Variants in KIF6 observed in about 807,000 individuals in gnomAD.
KIF6 encodes the protein kinesin-like protein KIF6.
Under a neutral mutation model 112.7 loss-of-function variants are expected in KIF6, and 106 were observed. That is an observed-to-expected ratio of 0.94 (90% confidence interval 0.80 to 1.11). KIF6 has a LOEUF of 1.11. Among genes scored for constraint, KIF6 ranks in the 50% least tolerant of loss-of-function variants. KIF6 has a pLI of 0.00. For missense variants in KIF6, 929 were observed against 964.0 expected, an observed-to-expected ratio of 0.96 and a Z score of 0.48; for synonymous variants, 339 against 339.9, an observed-to-expected ratio of 1.00 and a Z score of 0.03.
intron 13 of KIF6, among the ~76,000 whole-genome samples, chr6:39,448,797 G>T (rs1772500468): frequency 6.6e-6 from 1 of 152,178 alleles, no homozygotes; most frequent in Admixed American, 6.5e-5. Context: ...GCCAAAGTGG[G>T]ACATCTGACA....
intron 2 of KIF6, 187 bp from the exon 3 acceptor site, chr6:39,714,953 G>T: frequency 1.8e-6 from 1 of 546,994 alleles, no homozygotes; most frequent in Non-Finnish European, 3.3e-6. Context: ...TATACAAATG[G>T]TGGGTAAACA....
chr6:39,452,260 G>A (rs1391601836), intron 13 of KIF6, among the ~76,000 whole-genome samples: 1 of 152,214 alleles, frequency 6.6e-6, no homozygotes, highest in Non-Finnish European at 1.5e-5. Context: ...AAGCTGCTAG[G>A]ATGAAGAAGA....
intron 3 of KIF6, among the ~76,000 whole-genome samples, chr6:39,700,324 G>T (rs531973720): frequency 5.9e-4 from 90 of 152,258 alleles, no homozygotes; most frequent in African/African-American, 2.0e-3. Flanking sequence ...AGAGCTAAGA[G>T]TATTTTATAA....
intron 21 of KIF6, among the ~76,000 whole-genome samples, 159 bp downstream of exon 21, chr6:39,345,541 A>T (rs1434159227): frequency 1.3e-5 from 2 of 152,166 alleles, no homozygotes; most frequent in East Asian, 1.9e-4. Context: ...TGTGTGAGAG[A>T]TTCCAGGGAA....
At chr6:39,526,964 T>C (rs1777774684) in intron 13 of KIF6, among the ~76,000 whole-genome samples, 1 of 152,218 alleles carries the variant, frequency 6.6e-6, no homozygotes, top group South Asian at 2.1e-4. Flanking sequence ...AGAAACAATA[T>C]GATTTTTATT....
intron 3 of KIF6, among the ~76,000 whole-genome samples, chr6:39,712,404 C>T (rs765157331): frequency 1.5e-4 from 23 of 151,826 alleles, no homozygotes; most frequent in Non-Finnish European, 2.6e-4. Flanking sequence ...TAAAACCCAC[C>T]GGGACCAACT....
At chr6:39,530,057 C>A (rs1777954649) in intron 13 of KIF6, among the ~76,000 whole-genome samples, 1 of 152,192 alleles carries the variant, frequency 6.6e-6, no homozygotes. Context: ...GGGTACAAAG[C>A]CAGCCTCCAC....
rs1340260718 is a variant in KIF6, at chr6:39,330,186, AG to A, written c.*6345del. Reference sequence around the variant, plus strand: ...GCTTTCCTGGAACCAGGGACTGACTAGGAAGCCCTAAAACAGCTTCATAGGC... The same window carrying A: ...GCTTTCCTGGAACCAGGGACTGACTAGAAGCCCTAAAACAGCTTCATAGGC... On this transcript the variant is annotated 3_prime_UTR_variant, in exon 23 of 23. Coordinates refer to ENST00000287152, the MANE Select transcript of KIF6 (RefSeq NM_145027.6). 1 of 152,140 alleles carries A rather than the reference AG, an allele frequency of 6.6e-6. No homozygotes were observed. The highest frequency in any genetic ancestry group is 1.5e-5 in the Non-Finnish European group (1 of 68,004). 9.4% of individuals were successfully genotyped at this position (152,140 alleles called of 1,614,324 possible). A position where few individuals can be genotyped will look rare whatever the true frequency, so the allele number is the denominator to read the frequency against.
At chr6:39,643,909 C>T (rs998998582) in intron 3 of KIF6, among the ~76,000 whole-genome samples, 12 of 152,100 alleles carry the variant, frequency 7.9e-5, no homozygotes, top group African/African-American at 1.2e-4. Context: ...GTATGCAAAT[C>T]ATATCTATCT....
At chr6:39,625,648 A>G (rs934870715) in intron 5 of KIF6, among the ~76,000 whole-genome samples, 1 of 152,200 alleles carries the variant, frequency 6.6e-6, no homozygotes, top group East Asian at 1.9e-4. Flanking sequence ...CATAGGAGAC[A>G]GAAAAAAATA....
chr6:39,554,637 C>T (rs1213949755), intron 10 of KIF6: 1 of 153,292 alleles, frequency 6.5e-6, no homozygotes, highest in African/African-American at 2.4e-5. Flanking sequence ...GTCTTCTTTC[C>T]TGCTGGATAG....
chr6:39,373,315 A>T (rs115343719), intron 16 of KIF6, among the ~76,000 whole-genome samples: 2 of 152,192 alleles, frequency 1.3e-5, no homozygotes, highest in Admixed American at 1.3e-4. Context: ...AGAGTAATCA[A>T]TGGTGTCTGT....
In KIF6 at chr6:39,354,425, A is replaced by G. The variant is rs191305677; in HGVS notation, c.2180+2852T>C. On this transcript the variant is annotated intron_variant, in intron 19 of 22. Transcript: ENST00000287152. ...ATGGGACATCTATCCATTTGGAAAA[A>G]AGAAGTTATGTCCTTACCTCATCCC... Among the ~76,000 whole-genome samples the G allele has an allele frequency of 6.4e-3, 969 of 152,346 alleles. 9 individuals are homozygous for G. Among genetic ancestry groups the G allele is most frequent in the African/African-American group, 0.022 (922 of 41,574 alleles).
intron 20 of KIF6, 104 bp downstream of exon 20, chr6:39,346,372 T>C (rs1169696147): frequency 1.4e-6 from 1 of 711,224 alleles, no homozygotes; most frequent in African/African-American, 1.7e-5. Context: ...TGAATGGGAT[T>C]AGAGTCCTTA....
intron 3 of KIF6, among the ~76,000 whole-genome samples, chr6:39,651,764 A>G (rs1785484426): frequency 6.6e-6 from 1 of 152,204 alleles, no homozygotes; most frequent in Admixed American, 6.5e-5. Flanking sequence ...TTTGGCATAG[A>G]AAGGTAAATA....
intron 3 of KIF6, among the ~76,000 whole-genome samples, chr6:39,711,225 T>C (rs1789534092): frequency 9.8e-6 from 1 of 101,814 alleles, no homozygotes; most frequent in African/African-American, 3.8e-5. Flanking sequence ...CTCATTAATA[T>C]CAAATTTCAT....
intron 13 of KIF6, among the ~76,000 whole-genome samples, chr6:39,478,674 T>C (rs576255886): frequency 6.6e-6 from 1 of 151,660 alleles, no homozygotes; most frequent in East Asian, 1.9e-4. Context: ...AAGTGTTTCC[T>C]GTTCACTGCA....
At chr6:39,583,713 A>G (rs6933845) in intron 9 of KIF6, among the ~76,000 whole-genome samples, 19,825 of 88,538 alleles carry the variant, frequency 0.22, 1,982 homozygotes, top group Middle Eastern at 0.41. Context: ...TTTTTTTTAC[A>G]GTGCAGATTA....
chr6:39,499,355 G>A (rs1775975453), intron 13 of KIF6, among the ~76,000 whole-genome samples: 1 of 151,890 alleles, frequency 6.6e-6, no homozygotes, highest in Non-Finnish European at 1.5e-5. Context: ...GAAAGGGGAG[G>A]GAGAAAAGGT....
Sources: allele counts gnomAD v4.1 joint callset (sites outside exome capture counted in the v4.1 genomes callset), GRCh38; gene constraint gnomAD v4.1.1; transcripts MANE v1.5; gene names NCBI Gene and HGNC (gene_info 2026-07-23, HGNC 2026-07-21).